Variants in PPA2 observed in about 807,000 individuals in gnomAD.
PPA2 encodes the protein inorganic pyrophosphatase 2, mitochondrial.
In PPA2, 48 loss-of-function variants were observed where a neutral mutation model predicts 49.5. The observed-to-expected ratio is 0.97, with a 90% CI of 0.77 to 1.23. The LOEUF is 1.23. Among genes scored for constraint, PPA2 ranks in the 50% most tolerant of loss-of-function variants. The pLI is 0.00. For synonymous variants in PPA2, 131 were observed against 139.9 expected (o/e 0.94, Z 0.45); for missense variants, 429 against 410.1 (o/e 1.05, Z -0.40).
At chr4:105,413,291 G>C (rs1056345462) in intron 7 of PPA2, among the ~76,000 whole-genome samples, 2 of 151,932 alleles carry the variant, frequency 1.3e-5, no homozygotes, top group Non-Finnish European at 2.9e-5. Flanking sequence ...GACACACGGT[G>C]GGGAGCATCA....
rs142250740 is a variant in PPA2, at chr4:105,392,777, A to G, written c.869+3472T>C. Among the ~76,000 whole-genome samples the G allele has an allele frequency of 3.0e-3, 457 of 152,338 alleles. 5 individuals carry two copies. The highest frequency in any genetic ancestry group is 0.011 in the African/African-American group (441 of 41,562). On this transcript the variant is annotated intron_variant, in intron 9 of 11. Coordinates refer to ENST00000341695, the MANE Select transcript of PPA2 (RefSeq NM_176869.3). ...TACATGCCAGGCATTAGGAATATAA[A>G]GATGAATAAGGCATCTTTATTCATC...
chr4:105,411,513 C>T (rs1317802928), intron 7 of PPA2, among the ~76,000 whole-genome samples: 1 of 152,086 alleles, frequency 6.6e-6, no homozygotes, highest in African/African-American at 2.4e-5. Context: ...GGAAGCATTC[C>T]CCTGGAAAAT....
intron 10 of PPA2, among the ~76,000 whole-genome samples, chr4:105,384,861 A>G (rs1273549815): frequency 6.6e-6 from 1 of 152,218 alleles, no homozygotes; most frequent in African/African-American, 2.4e-5. Flanking sequence ...CTCATTCAGA[A>G]TAAGAAATGC....
intron 7 of PPA2, among the ~76,000 whole-genome samples, chr4:105,417,700 C>T (rs1172777914): frequency 6.6e-6 from 1 of 152,238 alleles, no homozygotes; most frequent in East Asian, 1.9e-4. Flanking sequence ...TCCCTACATA[C>T]CTACACCCAT....
chr4:105,470,393 A>C (rs1723472262), intron 1 of PPA2, among the ~76,000 whole-genome samples: 1 of 152,182 alleles, frequency 6.6e-6, no homozygotes, highest in Non-Finnish European at 1.5e-5. Context: ...GACAGAGGTG[A>C]GAGGATCGCT....
At chr4:105,392,313 C>T (rs1372242101) in intron 9 of PPA2, among the ~76,000 whole-genome samples, 1 of 151,636 alleles carries the variant, frequency 6.6e-6, no homozygotes, top group Non-Finnish European at 1.5e-5. Flanking sequence ...TTCAAGGTAT[C>T]AATGAAAAGA....
At chr4:105,415,820 A>C (rs1722982003) in intron 7 of PPA2, among the ~76,000 whole-genome samples, 1 of 152,218 alleles carries the variant, frequency 6.6e-6, no homozygotes, top group Non-Finnish European at 1.5e-5. Flanking sequence ...CTTGTAAATG[A>C]GGTATTATTT....
At chr4:105,415,047 A>C (rs932030120) in intron 7 of PPA2, among the ~76,000 whole-genome samples, 1 of 152,066 alleles carries the variant, frequency 6.6e-6, no homozygotes, top group African/African-American at 2.4e-5. Flanking sequence ...GTTAAATCCA[A>C]GGTTTTTATG....
chr4:105,424,361 G>A (rs1219451307), intron 6 of PPA2, 39 bp from the exon 7 acceptor site: 3 of 1,539,996 alleles, frequency 1.9e-6, no homozygotes, highest in Non-Finnish European at 2.6e-6. Flanking sequence ...GCAAGGCTTT[G>A]GAGAGTTTAC....
chr4:105,439,688 G>T (rs1171805403), intron 5 of PPA2, among the ~76,000 whole-genome samples: 8 of 148,604 alleles, frequency 5.4e-5, no homozygotes, highest in African/African-American at 2.0e-4. Flanking sequence ...ATGCAATAAA[G>T]GTAATTATTA....
chr4:105,422,188 A>C (rs1279234264), intron 7 of PPA2, among the ~76,000 whole-genome samples: 2 of 152,204 alleles, frequency 1.3e-5, no homozygotes, highest in Non-Finnish European at 2.9e-5. Context: ...TTAGGAGTTC[A>C]AAAACATATT....
chr4:105,443,546 A>G (rs887559750), intron 5 of PPA2, among the ~76,000 whole-genome samples: 1 of 149,538 alleles, frequency 6.7e-6, no homozygotes, highest in African/African-American at 2.5e-5. Flanking sequence ...CAATTTAGTT[A>G]TTTTCTTTGA....
intron 8 of PPA2, among the ~76,000 whole-genome samples, chr4:105,398,085 CA>C (rs869183514): frequency 8.1e-6 from 1 of 123,238 alleles, no homozygotes; most frequent in Non-Finnish European, 1.9e-5. Flanking sequence ...TAAAAACAAA[CA>C]AAAAAAAACT....
chr4:105,405,336 T>C (rs891050803), intron 7 of PPA2: 1 of 766,286 alleles, frequency 1.3e-6, no homozygotes, highest in Non-Finnish European at 1.6e-6. Context: ...ACATATAGTT[T>C]TTCACTTATA....
chr4:105,463,332 TGA>T, intron 1 of PPA2, among the ~76,000 whole-genome samples: 1 of 152,222 alleles, frequency 6.6e-6, no homozygotes, highest in East Asian at 1.9e-4. Context: ...ACTTTGAACT[TGA>T]GAGAGATGAT....
At chr4:105,468,387 C>T (rs1243795658) in intron 1 of PPA2, among the ~76,000 whole-genome samples, 2 of 152,116 alleles carry the variant, frequency 1.3e-5, no homozygotes, top group South Asian at 2.1e-4. Context: ...AGACAAAGTG[C>T]ATCCCAGAGG....
At chr4:105,473,776 C>G in intron 1 of PPA2, 118 bp downstream of exon 1, 1 of 1,440,192 alleles carries the variant, frequency 6.9e-7, no homozygotes, top group Non-Finnish European at 9.6e-7. Context: ...GCGGCTACCG[C>G]TGAGGGCCCC....
intron 7 of PPA2, among the ~76,000 whole-genome samples, chr4:105,416,175 T>A (rs1722997446): frequency 6.6e-6 from 1 of 152,218 alleles, no homozygotes; most frequent in South Asian, 2.1e-4. Context: ...CTTTCACAAA[T>A]TGAGGGCTAC....
chr4:105,451,470 C>CAG (rs1290040718), intron 3 of PPA2, among the ~76,000 whole-genome samples: 3 of 152,200 alleles, frequency 2.0e-5, no homozygotes. Context: ...ATCTTAGCAA[C>CAG]CTTACATACA....
Sources: allele counts gnomAD v4.1 joint callset (sites outside exome capture counted in the v4.1 genomes callset), GRCh38; gene constraint gnomAD v4.1.1; transcripts MANE v1.5; gene names NCBI Gene and HGNC (gene_info 2026-07-23, HGNC 2026-07-21).